PIP4K2A: variants seen among roughly 807,000 people sequenced by gnomAD.
The protein encoded by PIP4K2A is phosphatidylinositol 5-phosphate 4-kinase type-2 alpha.
In PIP4K2A, 14 loss-of-function variants were observed where a neutral mutation model predicts 42.9. The observed-to-expected ratio is 0.33, with a 90% CI of 0.22 to 0.51. PIP4K2A has a LOEUF of 0.51. Ranked by LOEUF, PIP4K2A falls within the 20% of genes least tolerant of loss-of-function variation. The pLI, the probability that PIP4K2A is intolerant of heterozygous loss-of-function variation, is 0.97. For synonymous variants in PIP4K2A, 192 were observed against 192.2 expected, an observed-to-expected ratio of 1.00 and a Z score of 0.01; for missense variants, 434 against 519.8, an observed-to-expected ratio of 0.83 and a Z score of 1.61.
At chr10:22,619,053 T>C (rs1184131436) in intron 1 of PIP4K2A, among the ~76,000 whole-genome samples, 2 of 144,314 alleles carry the variant, frequency 1.4e-5, no homozygotes, top group Non-Finnish European at 3.0e-5. Flanking sequence ...CTGATATTCA[T>C]GTGTAATTGT....
At chr10:22,685,904 GTTGT>G (rs1839755317) in intron 1 of PIP4K2A, among the ~76,000 whole-genome samples, 1 of 152,158 alleles carries the variant, frequency 6.6e-6, no homozygotes, top group Non-Finnish European at 1.5e-5. Context: ...TACCTATTTT[GTTGT>G]TTGTAATTTA....
intron 6 of PIP4K2A, among the ~76,000 whole-genome samples, chr10:22,562,525 G>C (rs1293979055): frequency 2.6e-5 from 4 of 152,300 alleles, no homozygotes; most frequent in Middle Eastern, 6.8e-3. Flanking sequence ...CTCCAGCCTG[G>C]GTGACAGAGC....
At chr10:22,562,415 G>A (rs1446113826) in intron 6 of PIP4K2A, among the ~76,000 whole-genome samples, 1 of 152,148 alleles carries the variant, frequency 6.6e-6, no homozygotes, top group African/African-American at 2.4e-5. Flanking sequence ...CAAGCGTAGT[G>A]ACAGGCGCTT....
intron 6 of PIP4K2A, among the ~76,000 whole-genome samples, chr10:22,567,113 G>A (rs1836864120): frequency 6.6e-6 from 1 of 152,150 alleles, no homozygotes. Context: ...CACTTCCCAA[G>A]GTGACAAGAA....
At chr10:22,636,752 A>T (rs1245558993) in intron 1 of PIP4K2A, among the ~76,000 whole-genome samples, 1 of 152,200 alleles carries the variant, frequency 6.6e-6, no homozygotes, top group Non-Finnish European at 1.5e-5. Context: ...CCGATGAATC[A>T]CACTCCTAGG....
chr10:22,579,202 TCA>T (rs1181005570), intron 4 of PIP4K2A, among the ~76,000 whole-genome samples: 2 of 151,952 alleles, frequency 1.3e-5, no homozygotes, highest in Non-Finnish European at 2.9e-5. Context: ...TCGGAAATGG[TCA>T]CAGTTTATCT....
chr10:22,609,520 T>G, intron 2 of PIP4K2A, 100 bp downstream of exon 2: 1 of 722,064 alleles, frequency 1.4e-6, no homozygotes, highest in Non-Finnish European at 2.5e-6. Context: ...CAGCAAAACT[T>G]TACTCCCACC....
intron 6 of PIP4K2A, among the ~76,000 whole-genome samples, chr10:22,554,196 ACT>A (rs1836478811): frequency 6.6e-6 from 1 of 152,068 alleles, no homozygotes; most frequent in East Asian, 1.9e-4. Flanking sequence ...ACAATGATTC[ACT>A]CTCAAGAAAA....
chr10:22,622,652 C>T (rs1213682066), intron 1 of PIP4K2A, among the ~76,000 whole-genome samples: 4 of 152,220 alleles, frequency 2.6e-5, no homozygotes, highest in Non-Finnish European at 5.9e-5. Context: ...AGTGGACGGG[C>T]ACCGCCACTC....
At chr10:22,646,312 A>G (rs1392286978) in intron 1 of PIP4K2A, 1 of 152,220 alleles carries the variant, frequency 6.6e-6, no homozygotes, top group African/African-American at 2.4e-5. Context: ...AGGGAGATTA[A>G]GATTTCCTTG....
chr10:22,572,224 T>C (rs1837006744), intron 5 of PIP4K2A, among the ~76,000 whole-genome samples: 1 of 152,234 alleles, frequency 6.6e-6, no homozygotes, highest in South Asian at 2.1e-4. Flanking sequence ...CCAAATGGTC[T>C]CTGCGGTAAC....
At chr10:22,604,590 G>T (rs1465448863) in intron 3 of PIP4K2A, among the ~76,000 whole-genome samples, 1 of 152,142 alleles carries the variant, frequency 6.6e-6, no homozygotes, top group African/African-American at 2.4e-5. Context: ...TGAGAGCCTA[G>T]GTCACTGATC....
At chr10:22,659,179 C>G (rs114471461) in intron 1 of PIP4K2A, among the ~76,000 whole-genome samples, 167 of 152,354 alleles carry the variant, frequency 1.1e-3, no homozygotes, top group African/African-American at 4.0e-3. Context: ...TAGGAAAAAG[C>G]TAGCTTTACC....
chr10:22,541,982 G>C lies in PIP4K2A; in HGVS notation c.858C>G (p.Ala286=). The C allele has an allele frequency of 1.9e-6, 3 of 1,613,888 alleles. No homozygotes were observed. Among genetic ancestry groups the C allele is most frequent in the Middle Eastern group, 1.7e-4 (1 of 6,060 alleles). Residue 286 remains alanine, a synonymous_variant, in exon 8 of 10, where the codon GCC becomes GCG. Coordinates refer to ENST00000376573, the MANE Select transcript of PIP4K2A (RefSeq NM_005028.5). ...LLVGIHDVER[A]EQEEVECEEN... Reference sequence around the variant, plus strand: ...CCTCACACTCCACTTCCTCCTGTTCGGCTCTCTCCACATCATGAATTCCCA... The same window carrying C: ...CCTCACACTCCACTTCCTCCTGTTCCGCTCTCTCCACATCATGAATTCCCA...
At chr10:22,706,803 C>A (rs1333284654) in intron 1 of PIP4K2A, among the ~76,000 whole-genome samples, 3 of 152,022 alleles carry the variant, frequency 2.0e-5, no homozygotes, top group Admixed American at 2.0e-4. Context: ...CAAGAAAGAA[C>A]ATAACAAAAT....
At chr10:22,615,190 T>C (rs931440557) in intron 1 of PIP4K2A, among the ~76,000 whole-genome samples, 1 of 152,220 alleles carries the variant, frequency 6.6e-6, no homozygotes, top group Non-Finnish European at 1.5e-5. Context: ...AACTGCAGTC[T>C]TGAACTCCCA....
chr10:22,668,098 C>T (rs1588696421), intron 1 of PIP4K2A, among the ~76,000 whole-genome samples: 1 of 152,002 alleles, frequency 6.6e-6, no homozygotes, highest in Non-Finnish European at 1.5e-5. Context: ...ACTATAGGCG[C>T]GTGCTACCAA....
chr10:22,575,374 C>G (rs1160118090), intron 4 of PIP4K2A, among the ~76,000 whole-genome samples: 1 of 151,626 alleles, frequency 6.6e-6, no homozygotes, highest in African/African-American at 2.4e-5. Context: ...TGCTCAACCC[C>G]TCACTGAGCT....
chr10:22,670,306 G>C (rs560729888), intron 1 of PIP4K2A, among the ~76,000 whole-genome samples: 18 of 152,254 alleles, frequency 1.2e-4, no homozygotes, highest in African/African-American at 3.9e-4. Context: ...TTGAGCCCAG[G>C]AAGTTGAGGC....
Sources: allele counts gnomAD v4.1 joint callset (sites outside exome capture counted in the v4.1 genomes callset), GRCh38; gene constraint gnomAD v4.1.1; transcripts MANE v1.5; gene names NCBI Gene and HGNC (gene_info 2026-07-23, HGNC 2026-07-21).